SLC9C1: variants seen among roughly 807,000 people sequenced by gnomAD.
SLC9C1 encodes solute carrier family 9 member C1.
A neutral mutation model predicts 140.9 loss-of-function variants in SLC9C1; 97 were observed. That is an observed-to-expected ratio of 0.69 (90% CI 0.58 to 0.82). SLC9C1 has a LOEUF of 0.82. Among genes scored for constraint, SLC9C1 ranks in the 40% least tolerant of loss-of-function variants. The pLI is 0.00. For missense variants in SLC9C1, 1,340 were observed against 1,389.3 expected (o/e 0.96, Z 0.56); for synonymous variants, 440 against 442.6 (o/e 0.99, Z 0.07).
At chr3:112,218,192 A>C (rs1211229617) in intron 14 of SLC9C1, among the ~76,000 whole-genome samples, 1 of 110,210 alleles carries the variant, frequency 9.1e-6, no homozygotes, top group Non-Finnish European at 2.0e-5. Flanking sequence ...TTTTTTTTTT[A>C]ATTGAGACAG....
chr3:112,270,817 A>G (rs1370257083), intron 6 of SLC9C1, among the ~76,000 whole-genome samples: 2 of 151,844 alleles, frequency 1.3e-5, no homozygotes, highest in African/African-American at 2.4e-5. Flanking sequence ...CTCTGTCTCA[A>G]AAAAAAAGGG....
chr3:112,194,303 C>T (rs575007413), intron 20 of SLC9C1, among the ~76,000 whole-genome samples: 1 of 152,266 alleles, frequency 6.6e-6, no homozygotes, highest in African/African-American at 2.4e-5. Flanking sequence ...TTTCTGACTC[C>T]AGGCCAATAT....
chr3:112,205,773 A>G (rs2078030040), intron 16 of SLC9C1, among the ~76,000 whole-genome samples: 1 of 142,838 alleles, frequency 7.0e-6, no homozygotes, highest in Non-Finnish European at 1.5e-5. Flanking sequence ...TATTTAATAA[A>G]TGGTGCTGGG....
intron 26 of SLC9C1, among the ~76,000 whole-genome samples, chr3:112,163,812 A>AAGG (rs2075380269): frequency 1.3e-5 from 2 of 152,078 alleles, no homozygotes; most frequent in Non-Finnish European, 2.9e-5. Flanking sequence ...GCTGAGTACA[A>AAGG]TTCCTGGGTA....
intron 1 of SLC9C1, among the ~76,000 whole-genome samples, chr3:112,291,074 A>G (rs2080668305): frequency 1.3e-5 from 2 of 152,078 alleles, no homozygotes; most frequent in African/African-American, 4.8e-5. Flanking sequence ...TGTGGATTTG[A>G]TCTTGTCAGC....
intron 26 of SLC9C1, among the ~76,000 whole-genome samples, chr3:112,164,921 G>A (rs533133892): frequency 2.2e-3 from 328 of 152,316 alleles, no homozygotes; most frequent in Middle Eastern, 0.017. Flanking sequence ...ATCAGACGTA[G>A]ATTTGGTCTT....
At chr3:112,200,199 A>G (rs7615460) in intron 19 of SLC9C1, among the ~76,000 whole-genome samples, 115,161 of 151,974 alleles carry the variant, frequency 0.76, 44,020 homozygotes, top group East Asian at 0.99. Context: ...TTTGTCCTGC[A>G]CCAGGAGCGT....
At position 112,199,365 on chromosome 3, in the gene SLC9C1, A is replaced by G. The variant is rs2108024909; in HGVS notation, c.2479T>C (p.Leu827=). ...TCAGTTTTACTAATAATTCCTTTTA[A>G]GCCAAAAGCCTTAAGAATTTCTGTA... ...MATEILKAFG[L]KGIISKTEGA... Residue 827 remains leucine, a synonymous_variant, in exon 20 of 29, where the codon TTA becomes CTA. Coordinates refer to ENST00000305815, the MANE Select transcript of SLC9C1 (RefSeq NM_183061.3). 6.3e-7 allele frequency: 1 copy of G among 1,592,416 alleles called. No individual in the cohort carries two copies. The highest frequency in any genetic ancestry group is 2.3e-5 in the East Asian group (1 of 44,364).
At chr3:112,257,655 C>T (rs1298485825) in intron 10 of SLC9C1, among the ~76,000 whole-genome samples, 2 of 152,068 alleles carry the variant, frequency 1.3e-5, no homozygotes, top group Non-Finnish European at 2.9e-5. Flanking sequence ...GATTTCATGA[C>T]AAAGATGCCA....
chr3:112,172,426 C>T (rs1232491548), intron 23 of SLC9C1, among the ~76,000 whole-genome samples: 1 of 152,038 alleles, frequency 6.6e-6, no homozygotes, highest in Non-Finnish European at 1.5e-5. Flanking sequence ...TACCATCTTA[C>T]TAAATTCATT....
At chr3:112,165,490 T>A (rs1321014706) in intron 26 of SLC9C1, among the ~76,000 whole-genome samples, 1 of 152,206 alleles carries the variant, frequency 6.6e-6, no homozygotes, top group Admixed American at 6.5e-5. Flanking sequence ...CTTCTAACAG[T>A]CAGGACCCTC....
chr3:112,215,917 G>A (rs944931512), intron 15 of SLC9C1, among the ~76,000 whole-genome samples: 22 of 151,968 alleles, frequency 1.4e-4, no homozygotes, highest in African/African-American at 2.4e-4. Flanking sequence ...AAGCCAAAAG[G>A]ACAAAGCTGG....
At chr3:112,152,705 C>T (rs1241092227) in intron 27 of SLC9C1, among the ~76,000 whole-genome samples, 1 of 152,148 alleles carries the variant, frequency 6.6e-6, no homozygotes, top group Non-Finnish European at 1.5e-5. Context: ...TGCGGCTTTC[C>T]ACAGTGCATT....
At chr3:112,184,711 G>A (rs1259415931) in intron 20 of SLC9C1, among the ~76,000 whole-genome samples, 1 of 152,230 alleles carries the variant, frequency 6.6e-6, no homozygotes, top group Non-Finnish European at 1.5e-5. Context: ...AGCTGTCAAA[G>A]GGTGGCTGCT....
chr3:112,176,700 T>A (rs1449185244), intron 23 of SLC9C1, among the ~76,000 whole-genome samples: 1 of 152,220 alleles, frequency 6.6e-6, no homozygotes, highest in Admixed American at 6.5e-5. Flanking sequence ...ATTTACTATC[T>A]GATCACACTG....
chr3:112,149,000 G>A (rs1024912122), intron 28 of SLC9C1, among the ~76,000 whole-genome samples: 1 of 152,130 alleles, frequency 6.6e-6, no homozygotes, highest in Non-Finnish European at 1.5e-5. Context: ...AGATCTGCTT[G>A]TGTGTGGAGC....
intron 2 of SLC9C1, 134 bp from the exon 3 acceptor site, chr3:112,280,917 A>C (rs1478610201): frequency 2.7e-6 from 2 of 736,970 alleles, no homozygotes; most frequent in Non-Finnish European, 4.6e-6. Context: ...ATCCTCCCTC[A>C]CACTTATCAG....
At chr3:112,178,942 T>C (rs2077389499) in intron 23 of SLC9C1, among the ~76,000 whole-genome samples, 1 of 152,222 alleles carries the variant, frequency 6.6e-6, no homozygotes, top group Non-Finnish European at 1.5e-5. Flanking sequence ...AATGTTTACT[T>C]CTTTCTCTTA....
In SLC9C1 at chr3:112,185,371, G is replaced by A; in HGVS notation, c.2524-3113C>T. 4.2e-6 allele frequency: 3 copies of A among 716,990 alleles called. No individual in the cohort carries two copies. In the Admixed American group the frequency reaches 8.8e-5, roughly 21 times the overall value. 44.4% of individuals were successfully genotyped at this position (716,990 alleles called of 1,614,324 possible). On this transcript the variant is annotated intron_variant, in intron 20 of 28. Coordinates refer to ENST00000305815, the MANE Select transcript of SLC9C1 (RefSeq NM_183061.3). ...AAAATAATAAAAGGTCTCAGCTCCA[G>A]GTCATCGGCCTGCGATGGGGATGGG...
Sources: allele counts gnomAD v4.1 joint callset (sites outside exome capture counted in the v4.1 genomes callset), GRCh38; gene constraint gnomAD v4.1.1; transcripts MANE v1.5; gene names NCBI Gene and HGNC (gene_info 2026-07-23, HGNC 2026-07-21).